The following TUBGCP2 variants were observed in gnomAD, a reference collection of about 807,000 sequenced individuals.
TUBGCP2 encodes tubulin gamma complex component 2, also known as gamma-tubulin complex component 2.
In TUBGCP2, 55 loss-of-function variants were observed where a neutral mutation model predicts 92.2. The ratio of observed to expected loss-of-function variants is 0.60; its 90% confidence interval spans 0.48 to 0.75. TUBGCP2 has a LOEUF of 0.75. Among genes scored for constraint, TUBGCP2 ranks in the 30% least tolerant of loss-of-function variants. The pLI, the probability that TUBGCP2 is intolerant of heterozygous loss-of-function variation, is 0.00. For synonymous variants in TUBGCP2, 533 were observed against 505.2 expected (o/e 1.06, Z -0.74); for missense variants, 1,093 against 1,188.9 (o/e 0.92, Z 1.19).
chr10:133,295,153 A>C (rs1219117177), intron 5 of TUBGCP2: 7 of 152,278 alleles, frequency 4.6e-5, no homozygotes, highest in African/African-American at 1.2e-4. Context: ...AGGGACCTCA[A>C]GGGTTGCTTT....
chr10:133,298,215 CTCAAT>C, intron 4 of TUBGCP2, 104 bp from the exon 5 acceptor site: 1 of 1,230,054 alleles, frequency 8.1e-7, no homozygotes, highest in Non-Finnish European at 1.1e-6. Context: ...AAGATGATTA[CTCAAT>C]TCAACACCCA....
chr10:133,308,189 T>G (rs1385486590), intron 1 of TUBGCP2, among the ~76,000 whole-genome samples: 1 of 152,198 alleles, frequency 6.6e-6, no homozygotes, highest in African/African-American at 2.4e-5. Flanking sequence ...GTGTTGTCAT[T>G]CACCATTTTA....
chr10:133,287,371 C>T (rs1847156801), intron 11 of TUBGCP2, among the ~76,000 whole-genome samples: 1 of 152,168 alleles, frequency 6.6e-6, no homozygotes, highest in Non-Finnish European at 1.5e-5. Flanking sequence ...CGCTTGAGCC[C>T]AGGGGTTCAA....
rs1342312604 is a variant in TUBGCP2, at chr10:133,285,307, CG to C, written c.1896-95del. On this transcript the variant is annotated intron_variant, in intron 12 of 17. Coordinates refer to ENST00000252936, the MANE Select transcript of TUBGCP2 (RefSeq NM_006659.4). This position sits in a 1 kb window ranked among gnomAD's most constrained non-coding sequence, Gnocchi z 6.8. Reference sequence around the variant, plus strand: ...ACTCCACAGTCCGCACCGTGGCCCCCGGACAGCCCGTGAATCTCTCGGACAC... The same window carrying C: ...ACTCCACAGTCCGCACCGTGGCCCCCGACAGCCCGTGAATCTCTCGGACAC... 1 of 1,592,706 alleles carries C rather than the reference CG, an allele frequency of 6.3e-7. No homozygotes were observed. Among genetic ancestry groups the C allele is most frequent in the East Asian group, 2.3e-5 (1 of 44,154 alleles).
chr10:133,310,927 A>G (rs1027921169), upstream of TUBGCP2, among the ~76,000 whole-genome samples: 19 of 151,946 alleles, frequency 1.3e-4, no homozygotes, highest in South Asian at 2.1e-4. Context: ...TCAGCCTCCT[A>G]AAGTGCTAGG....
intron 1 of TUBGCP2, among the ~76,000 whole-genome samples, chr10:133,303,529 G>A (rs12049752): frequency 0.056 from 8,490 of 152,208 alleles, 569 homozygotes; most frequent in African/African-American, 0.16. Context: ...GGTCCCAGAC[G>A]TGAGGCCTGT....
At position 133,285,124 on chromosome 10, in the gene TUBGCP2, T is replaced by C. The variant is rs1847097920; in HGVS notation, c.1985A>G (p.Asn662Ser). ...ERQLCSVWIS[N>S]KTAKQHSLHS... ...CAGCGAGTGCTGCTTGGCGGTTTTG[T>C]TGCTGATCCAGACGCTGCAGAGCTG... The change falls in exon 13 of 18, where the codon AAC becomes AGC. Residue 662 changes from asparagine to serine, a missense_variant. Around this residue, in one of 3 missense-constraint regions of TUBGCP2, gnomAD observed 598 missense variants for 675.5 expected, o/e 0.89. Coordinates refer to ENST00000252936, the MANE Select transcript of TUBGCP2 (RefSeq NM_006659.4). The surrounding 1 kb of genome is among the most constrained non-coding windows in gnomAD (Gnocchi z 6.8). The C allele has an allele frequency of 6.2e-7, 1 of 1,611,702 alleles. No homozygotes were observed. The highest frequency in any genetic ancestry group is 8.5e-7 in the Non-Finnish European group (1 of 1,178,366).
intron 5 of TUBGCP2, among the ~76,000 whole-genome samples, chr10:133,296,376 C>T (rs1847487820): frequency 6.6e-6 from 1 of 152,196 alleles, no homozygotes; most frequent in Admixed American, 6.5e-5. Flanking sequence ...TCCCCGGCTG[C>T]CTGCTGAGTA....
chr10:133,306,195 G>A (rs1847814556), intron 1 of TUBGCP2, among the ~76,000 whole-genome samples: 1 of 152,212 alleles, frequency 6.6e-6, no homozygotes, highest in Non-Finnish European at 1.5e-5. Context: ...TAAACTACCA[G>A]ATGCTTTTTT....
intron 5 of TUBGCP2, 74 bp from the exon 6 acceptor site, chr10:133,293,843 G>C: frequency 2.2e-6 from 3 of 1,388,924 alleles, no homozygotes; most frequent in Admixed American, 3.9e-5. Context: ...CCTCATCTGC[G>C]GGTCAGTCTC....
intron 1 of TUBGCP2, 100 bp from the exon 2 acceptor site, chr10:133,303,080 C>T (rs1020009378): frequency 1.8e-6 from 2 of 1,123,562 alleles, no homozygotes; most frequent in Non-Finnish European, 2.5e-6. Flanking sequence ...TTTGACAAAC[C>T]AAGTTATCAC....
Position 133,283,982 on chromosome 10 carries a change from A to G in TUBGCP2, c.2045T>C (p.Leu682Pro). The change falls in exon 14 of 18, where the codon CTG becomes CCG. Residue 682 changes from leucine (L) to proline (P), a missense_variant. By Grantham distance (98) the Leu-to-Pro change is moderately conservative (BLOSUM62 -3). Coordinates refer to ENST00000252936, the MANE Select transcript of TUBGCP2 (RefSeq NM_006659.4). ...SAQWFAGAFT[L>P]RQRMLNFVQN... ...GACGAAGTTGAGCATTCGCTGCCGC[A>G]GAGTGAAAGCCCCAGCAAACCTGAG... The G allele has an allele frequency of 6.2e-7, 1 of 1,613,950 alleles. No individual in the cohort carries two copies. The highest frequency in any genetic ancestry group is 1.7e-4 in the Middle Eastern group (1 of 5,918).
At position 133,288,327 on chromosome 10, in the gene TUBGCP2, CGTGAGCAGGT is replaced by C. The variant is rs1847185138; in HGVS notation, c.1542-28_1542-19del. 1.2e-6 allele frequency: 2 copies of C among 1,610,902 alleles called. No homozygotes were observed. The highest frequency in any genetic ancestry group is 1.1e-5 in the South Asian group (1 of 90,920). On this transcript the variant is annotated intron_variant, in intron 10 of 17. Coordinates refer to ENST00000252936, the MANE Select transcript of TUBGCP2 (RefSeq NM_006659.4). ...TGATGGACCTGCGCCAGGGAGCAGG[CGTGAGCAGGT>C]GCCCACCCGCAGGTGCCCGCCACAG...
Position 133,281,315 on chromosome 10 carries a change from C to CTA in TUBGCP2, c.2529_2530dup (p.Ser844IlefsTer65). 6.2e-7 allele frequency: 1 copy of CTA among 1,613,130 alleles called. No individual in the cohort carries two copies. Among genetic ancestry groups the CTA allele is most frequent in the Non-Finnish European group, 8.5e-7 (1 of 1,179,966 alleles). On this transcript the variant is annotated frameshift_variant, in exon 17 of 18. Coordinates refer to ENST00000252936, the MANE Select transcript of TUBGCP2 (RefSeq NM_006659.4). LOFTEE classifies it high-confidence loss of function. ...CATGCCGTGCTCACAGTCACTGGTGCTATAGATGCTCAGCCGGGCCAGGAG... is the reference window on the plus strand; with the variant it reads ...CATGCCGTGCTCACAGTCACTGGTGCTATATAGATGCTCAGCCGGGCCAGGAG...
Position 133,288,932 on chromosome 10 carries a change from C to CGCCCGCTCTTT in TUBGCP2, c.1438_1448dup (p.Tyr484LysfsTer24). 1 of 1,614,272 alleles carries CGCCCGCTCTTT rather than the reference C, an allele frequency of 6.2e-7. No homozygotes were observed. Among genetic ancestry groups the CGCCCGCTCTTT allele is most frequent in the Non-Finnish European group, 8.5e-7 (1 of 1,180,038 alleles). On this transcript the variant is annotated frameshift_variant, in exon 10 of 18. Transcript: ENST00000252936. LOFTEE classifies it high-confidence loss of function. ...ACGCCTTCTCGATCTGCTCCACATA[C>CGCCCGCTCTTT]GCCCGCTCTTTTAACGTGTAGATGA...
At chr10:133,311,733 C>T (rs200152907), upstream of TUBGCP2, 9 of 1,613,468 alleles carry the variant, frequency 5.6e-6, no homozygotes, top group East Asian at 1.8e-4. Flanking sequence ...TCAGCAGAAG[C>T]CCCAGGGGAC....
intron 1 of TUBGCP2, among the ~76,000 whole-genome samples, chr10:133,305,679 A>C (rs1225895187): frequency 1.3e-5 from 2 of 152,180 alleles, no homozygotes; most frequent in Admixed American, 1.3e-4. Context: ...CGACACCGAG[A>C]TTCTAATCCT....
rs372884951 is a variant in TUBGCP2, at chr10:133,285,224, C to A, written c.1896-11G>T. On this transcript the variant is annotated splice_polypyrimidine_tract_variant and intron_variant, in intron 12 of 17. Coordinates refer to ENST00000252936, the MANE Select transcript of TUBGCP2 (RefSeq NM_006659.4). This position sits in a 1 kb window ranked among gnomAD's most constrained non-coding sequence, Gnocchi z 6.8. ...CGAGTGAGGGCTTTCCTGCAAGAGA[C>A]GTGGCGGCACCTCAGGTGGGCCTCC... 1.9e-6 allele frequency: 3 copies of A among 1,611,134 alleles called. No homozygotes were observed. The highest frequency in any genetic ancestry group is 2.7e-5 in the African/African-American group (2 of 75,056).
intron 4 of TUBGCP2, among the ~76,000 whole-genome samples, 165 bp from the exon 5 acceptor site, chr10:133,298,276 C>A (rs886225191): frequency 6.6e-6 from 1 of 152,238 alleles, no homozygotes. Context: ...GACATCCCTG[C>A]CTGCCACAAC....
Sources: allele counts gnomAD v4.1 joint callset (sites outside exome capture counted in the v4.1 genomes callset), GRCh38; gene constraint gnomAD v4.1.1; regional missense constraint gnomAD v4.1.1; non-coding constraint Gnocchi (gnomAD v3.1); transcripts MANE v1.5; gene names NCBI Gene and HGNC (gene_info 2026-07-23, HGNC 2026-07-21).